Variants in COL19A1 observed in about 807,000 individuals in gnomAD.
COL19A1 encodes collagen alpha-1(XIX) chain.
In COL19A1, 159 loss-of-function variants were observed where a neutral mutation model predicts 190.2. The ratio of observed to expected loss-of-function variants is 0.84; its 90% CI spans 0.73 to 0.95. COL19A1 has a LOEUF of 0.95. Ranked by LOEUF, COL19A1 falls within the 40% of genes least tolerant of loss-of-function variation. The pLI is 0.00. For synonymous variants in COL19A1, 509 were observed against 458.9 expected, an observed-to-expected ratio of 1.11 and a Z score of -1.39; for missense variants, 1,418 against 1,431.9, an observed-to-expected ratio of 0.99 and a Z score of 0.16.
At chr6:69,954,291 T>C (rs76896170) in intron 9 of COL19A1, among the ~76,000 whole-genome samples, 2,705 of 152,098 alleles carry the variant, frequency 0.018, 104 homozygotes, top group African/African-American at 0.062. Context: ...TGTGAGCTCC[T>C]GGAGTAGAAG....
rs190676409 is a variant in COL19A1, at chr6:70,119,321, A to G, written c.1279-2559A>G. On this transcript the variant is annotated intron_variant, in intron 16 of 50. Transcript: ENST00000620364. Reference sequence around the variant, plus strand: ...CATAGATGGGAGATACAAGGAGTAGATAAAGAGGCCTCTCTCAACTACACG... The same window carrying G: ...CATAGATGGGAGATACAAGGAGTAGGTAAAGAGGCCTCTCTCAACTACACG... 1.1e-3 allele frequency among the ~76,000 whole-genome samples: 169 copies of G among 152,338 alleles called. 1 individual carries two copies. The highest frequency in any genetic ancestry group is 1.4e-3 in the Non-Finnish European group (96 of 68,024).
chr6:69,885,036 G>A (rs1226098188), intron 2 of COL19A1, among the ~76,000 whole-genome samples: 1 of 151,990 alleles, frequency 6.6e-6, no homozygotes, highest in Non-Finnish European at 1.5e-5. Flanking sequence ...CTAATTTTTT[G>A]TATTTTCAGT....
intron 49 of COL19A1, among the ~76,000 whole-genome samples, chr6:70,202,667 A>G (rs1377064397): frequency 6.6e-6 from 1 of 152,196 alleles, no homozygotes; most frequent in African/African-American, 2.4e-5. Context: ...AATCGACGTC[A>G]GACTGTGAGA....
rs1453899290 is a variant in COL19A1, at chr6:70,210,927, T to TTA, written c.*3656_*3657dup. On this transcript the variant is annotated 3_prime_UTR_variant, in exon 51 of 51. Coordinates refer to ENST00000620364, the MANE Select transcript of COL19A1 (RefSeq NM_001858.6). ...ATTTCTTTGGTGGATATATATGTACTTATACACTTAGTTAACATGCAGATT... is the reference window on the plus strand; with the variant it reads ...ATTTCTTTGGTGGATATATATGTACTTATATACACTTAGTTAACATGCAGATT... Among the ~76,000 whole-genome samples, 1 of 152,220 alleles carries TTA rather than the reference T, an allele frequency of 6.6e-6. No individual in the cohort carries two copies. Among genetic ancestry groups the TTA allele is most frequent in the African/African-American group, 2.4e-5 (1 of 41,476 alleles).
At position 70,145,018 on chromosome 6, in the gene COL19A1, G is replaced by A; in HGVS notation, c.1770+11G>A. On this transcript the variant is annotated intron_variant, in intron 25 of 50. Transcript: ENST00000620364. ...CTGCCAGGGGAACCAGTAAGTATTAGCCCTTTTGTTAATATTTTTCTTGCA... is the reference window on the plus strand; with the variant it reads ...CTGCCAGGGGAACCAGTAAGTATTAACCCTTTTGTTAATATTTTTCTTGCA... The A allele has an allele frequency of 1.3e-6, 2 of 1,536,236 alleles. No homozygotes were observed. The highest frequency in any genetic ancestry group is 1.8e-6 in the Non-Finnish European group (2 of 1,138,848).
chr6:70,038,748 A>G (rs1779483009), intron 14 of COL19A1, among the ~76,000 whole-genome samples: 1 of 152,126 alleles, frequency 6.6e-6, no homozygotes. Context: ...GAGCTTCTAC[A>G]TTTCTAGCAA....
At position 70,199,679 on chromosome 6, in the gene COL19A1, C is replaced by A. The variant is rs1286899572; in HGVS notation, c.3166C>A (p.Pro1056Thr). The part of the protein sequence containing the change: ...AMLAAQAYGR[P>T]GPPGKDGLPG... ...GTTGGCTGCCCAAGCTTATGGGAGACCTGGGCCACCAGGGAAGGATGGGTT... is the reference window on the plus strand; with the variant it reads ...GTTGGCTGCCCAAGCTTATGGGAGAACTGGGCCACCAGGGAAGGATGGGTT... The change falls in exon 49 of 51, where the codon CCT (proline) becomes ACT (threonine). Residue 1056 changes from proline (P) to threonine (T), a missense_variant. Coordinates refer to ENST00000620364, the MANE Select transcript of COL19A1 (RefSeq NM_001858.6). 1 of 1,609,926 alleles carries A rather than the reference C, an allele frequency of 6.2e-7. No individual in the cohort carries two copies. The highest frequency in any genetic ancestry group is 1.1e-5 in the South Asian group (1 of 90,328).
intron 9 of COL19A1, among the ~76,000 whole-genome samples, chr6:69,950,674 CCACA>C (rs56757599): frequency 0.046 from 6,305 of 136,138 alleles, 157 homozygotes; most frequent in African/African-American, 0.062. Context: ...ATGAATGCAG[CCACA>C]CACACACACA....
chr6:70,061,271 T>C (rs1210140257), intron 14 of COL19A1, among the ~76,000 whole-genome samples: 1 of 152,182 alleles, frequency 6.6e-6, no homozygotes, highest in African/African-American at 2.4e-5. Context: ...TTCAATACTC[T>C]TCTCAAAATG....
intron 2 of COL19A1, among the ~76,000 whole-genome samples, chr6:69,892,049 G>C (rs914151849): frequency 4.6e-5 from 7 of 152,198 alleles, no homozygotes; most frequent in Admixed American, 3.9e-4. Context: ...GGAGGGGAAA[G>C]GATGTCTTGT....
intron 2 of COL19A1, among the ~76,000 whole-genome samples, chr6:69,897,831 A>G (rs1033411833): frequency 7.9e-5 from 12 of 152,222 alleles, no homozygotes; most frequent in Admixed American, 5.9e-4. Flanking sequence ...ACTCAGTGCT[A>G]TAATTTCACT....
intron 46 of COL19A1, among the ~76,000 whole-genome samples, chr6:70,185,992 A>G (rs1353336554): frequency 6.6e-6 from 1 of 152,162 alleles, no homozygotes; most frequent in African/African-American, 2.4e-5. Context: ...CATAATATAC[A>G]CATATATTTA....
intron 11 of COL19A1, among the ~76,000 whole-genome samples, chr6:69,976,039 C>A (rs1775695132): frequency 6.6e-6 from 1 of 152,088 alleles, no homozygotes. Context: ...GAGTTTAAAA[C>A]CAATTTGTTT....
chr6:70,182,355 A>T (rs1766228101), intron 44 of COL19A1, among the ~76,000 whole-genome samples: 1 of 152,154 alleles, frequency 6.6e-6, no homozygotes, highest in East Asian at 1.9e-4. Context: ...GGCAGACTGA[A>T]GGTAGGTGGA....
At chr6:70,002,196 T>C (rs979762120) in intron 11 of COL19A1, among the ~76,000 whole-genome samples, 1 of 152,232 alleles carries the variant, frequency 6.6e-6, no homozygotes, top group Non-Finnish European at 1.5e-5. Flanking sequence ...GAACCAGCCT[T>C]GCATCCCAGG....
At chr6:70,152,232 ACACACACACACG>A (rs1787109406) in intron 31 of COL19A1, among the ~76,000 whole-genome samples, 1 of 151,776 alleles carries the variant, frequency 6.6e-6, no homozygotes, top group Non-Finnish European at 1.5e-5. Context: ...GTGTATGTGT[ACACACACACACG>A]CACACACACA....
At chr6:69,873,758 C>G (rs1767973244) in intron 1 of COL19A1, among the ~76,000 whole-genome samples, 1 of 152,168 alleles carries the variant, frequency 6.6e-6, no homozygotes, top group Non-Finnish European at 1.5e-5. Context: ...GATTAAGTTT[C>G]TAACACAGGA....
At chr6:69,885,016 C>A (rs781246894) in intron 2 of COL19A1, among the ~76,000 whole-genome samples, 15 of 152,172 alleles carry the variant, frequency 9.9e-5, no homozygotes, top group Non-Finnish European at 2.1e-4. Flanking sequence ...GCATGTGCCA[C>A]CACACCTGGC....
chr6:70,150,634 C>T (rs1427976825), intron 30 of COL19A1, among the ~76,000 whole-genome samples: 2 of 152,140 alleles, frequency 1.3e-5, no homozygotes, highest in Admixed American at 6.5e-5. Flanking sequence ...TGGTACATGA[C>T]ATTGTATTAA....
Sources: gnomAD v4.1 joint callset for allele counts (sites outside exome capture counted in the v4.1 genomes callset) on GRCh38, gnomAD v4.1.1 for gene constraint, MANE v1.5 for transcripts, NCBI Gene and HGNC (gene_info 2026-07-23, HGNC 2026-07-21) for gene names.